GASK1A: variants seen among roughly 807,000 people sequenced by gnomAD.
GASK1A encodes Golgi-associated kinase 1A.
In GASK1A, 40 loss-of-function variants were observed where a neutral mutation model predicts 41.2. That is an observed-to-expected ratio of 0.97 (90% CI 0.75 to 1.27). The LOEUF (loss-of-function observed/expected upper bound fraction) is 1.27. GASK1A is among the 50% of genes most tolerant of loss of function. The pLI is 0.00. For missense variants in GASK1A, 678 were observed against 745.1 expected (o/e 0.91, Z 1.05); for synonymous variants, 316 against 307.1 (o/e 1.03, Z -0.30).
rs531894666 is a variant in GASK1A, at chr3:43,056,539, T to C, written c.*153T>C. On this transcript the variant is annotated 3_prime_UTR_variant, in exon 5 of 5. Coordinates refer to ENST00000430121, the MANE Select transcript of GASK1A (RefSeq NM_001129908.3). ...CCTGCCTGGGATGGTGGAGGTAGTA[T>C]GGGGTTTTCAATCTCAAAGCGTCCC... 205 of 653,246 alleles carry C rather than the reference T, an allele frequency of 3.1e-4. No homozygotes were observed. Among genetic ancestry groups the C allele is most frequent in the South Asian group, 4.2e-4 (15 of 36,056 alleles). 40.5% of individuals were successfully genotyped at this position (653,246 alleles called of 1,614,324 possible).
chr3:42,994,788 G>A (rs912917162), intron 1 of GASK1A, among the ~76,000 whole-genome samples: 3 of 151,874 alleles, frequency 2.0e-5, no homozygotes, highest in African/African-American at 2.4e-5. Context: ...CATTTCCCCC[G>A]ACAGCATCCA....
At chr3:43,015,553 G>A (rs966537225) in intron 1 of GASK1A, among the ~76,000 whole-genome samples, 34 of 149,702 alleles carry the variant, frequency 2.3e-4, no homozygotes, top group Non-Finnish European at 5.0e-4. Context: ...AAGGGGCTGT[G>A]TGAGGCCACA....
At chr3:43,053,252 G>T (rs1211000721) in intron 2 of GASK1A, among the ~76,000 whole-genome samples, 5 of 152,258 alleles carry the variant, frequency 3.3e-5, no homozygotes, top group African/African-American at 4.8e-5. Context: ...GAGCTAAAGA[G>T]CAACAGTGTA....
In GASK1A at chr3:43,033,297, C is replaced by T; in HGVS notation, c.1034C>T (p.Pro345Leu). The stretch of plus-strand genomic sequence containing the variant: ...GTGCTGGGGCTGCGCCGGAGCCTAC[C>T]TGCTGTGGCCCGCCGCTTCCATAGC... ...DRVLGLRRSL[P>L]AVARRFHSPL... is the part of the protein sequence containing the mutation. Residue 345 changes from proline (P) to leucine (L), a missense_variant, in exon 2 of 5, where the codon CCT (proline) becomes CTT (leucine). Transcript: ENST00000430121. 1.9e-6 allele frequency: 3 copies of T among 1,551,392 alleles called. No homozygotes were observed. The highest frequency in any genetic ancestry group is 2.6e-6 in the Non-Finnish European group (3 of 1,146,926).
At position 43,040,712 on chromosome 3, in the gene GASK1A, TTTTTA is replaced by T. The variant is rs552280670; in HGVS notation, c.1290+7177_1290+7181del. Among the ~76,000 whole-genome samples the T allele has an allele frequency of 6.0e-4, 91 of 152,016 alleles. 2 individuals are homozygous for T. In the South Asian group the frequency reaches 0.018, roughly 29 times the overall value. ...CTTGTGGCTGTTGGAAATGGGATCT[TTTTTA>T]TTTTATTTTATTTTATTATTTTTTA... On this transcript the variant is annotated intron_variant, in intron 2 of 4. Coordinates refer to ENST00000430121, the MANE Select transcript of GASK1A (RefSeq NM_001129908.3).
intron 1 of GASK1A, among the ~76,000 whole-genome samples, chr3:42,994,503 G>A (rs2089359139): frequency 2.0e-5 from 3 of 152,148 alleles, no homozygotes; most frequent in South Asian, 4.2e-4. Context: ...CTTCTAAGCA[G>A]CATCTCCATG....
At chr3:42,980,938 A>G (rs1032387488) in intron 1 of GASK1A, among the ~76,000 whole-genome samples, 11 of 152,034 alleles carry the variant, frequency 7.2e-5, no homozygotes, top group Non-Finnish European at 1.5e-4. Flanking sequence ...ACAGCCATCC[A>G]CTCCGAGGGG....
intron 1 of GASK1A, among the ~76,000 whole-genome samples, chr3:42,985,586 T>TGTGTGTGTGTGTGG (rs1237908326): frequency 2.1e-5 from 3 of 144,354 alleles, no homozygotes; most frequent in South Asian, 2.2e-4. Context: ...TGTGTGTGTG[T>TGTGTGTGTGTGTGG]GGGCGGAGGC....
chr3:42,980,522 G>A lies in GASK1A; in HGVS notation c.3+877G>A, dbSNP rs530028293. The stretch of plus-strand genomic sequence containing the variant: ...CCCTTTCCTTCCAAGCTCACAGAAG[G>A]CAGATCGGAACCCACTGGAGATGCT... On this transcript the variant is annotated intron_variant, in intron 1 of 4. Transcript: ENST00000430121. Among the ~76,000 whole-genome samples the A allele has an allele frequency of 1.8e-4, 27 of 152,294 alleles. No homozygotes were observed. The South Asian group carries it at 1.9e-3, about 11-fold the overall frequency.
intron 1 of GASK1A, among the ~76,000 whole-genome samples, chr3:43,018,993 T>C (rs2089508112): frequency 6.6e-6 from 1 of 152,226 alleles, no homozygotes; most frequent in Non-Finnish European, 1.5e-5. Context: ...TGGGCCTCTC[T>C]GATTCTTTAT....
At chr3:43,053,928 G>C (rs1272926412) in intron 3 of GASK1A, 10 of 480,816 alleles carry the variant, frequency 2.1e-5, no homozygotes, top group South Asian at 1.2e-4. Flanking sequence ...GAACAACTAG[G>C]GCTCCTGGAA....
chr3:43,014,840 T>A (rs1168556323), intron 1 of GASK1A, among the ~76,000 whole-genome samples: 1 of 151,260 alleles, frequency 6.6e-6, no homozygotes, highest in African/African-American at 2.4e-5. Flanking sequence ...CAATGGGAAG[T>A]CATAGGAAGG....
intron 1 of GASK1A, among the ~76,000 whole-genome samples, chr3:43,030,386 A>T (rs758417221): frequency 1.3e-5 from 2 of 152,238 alleles, no homozygotes; most frequent in Non-Finnish European, 2.9e-5. Flanking sequence ...ATGTAGCAGG[A>T]GTACCCACGA....
rs542121746 is a variant in GASK1A at position 42,995,760 on chromosome 3, A to G, written c.3+16115A>G. Among the ~76,000 whole-genome samples, 13 of 152,328 alleles carry G rather than the reference A, an allele frequency of 8.5e-5. No individual in the cohort carries two copies. The South Asian group carries it at 2.7e-3, about 32-fold the overall frequency. On this transcript the variant is annotated intron_variant, in intron 1 of 4. Transcript: ENST00000430121. ...CCCTCCCCTTCTTCTCTGAGGTTGC[A>G]TCTTGGCCTCTGAGCAGCCAGGGAG...
At chr3:42,980,489 C>G (rs898807987) in intron 1 of GASK1A, among the ~76,000 whole-genome samples, 8 of 152,190 alleles carry the variant, frequency 5.3e-5, no homozygotes, top group African/African-American at 1.9e-4. Context: ...CGTGCCTGCT[C>G]GCCTCTTCCC....
chr3:43,049,866 G>A (rs1349191559), intron 2 of GASK1A, among the ~76,000 whole-genome samples: 1 of 152,002 alleles, frequency 6.6e-6, no homozygotes, highest in Non-Finnish European at 1.5e-5. Context: ...ATCTAGGTCA[G>A]ATTACCAGCA....
chr3:42,997,895 C>T (rs2089385299), intron 1 of GASK1A, among the ~76,000 whole-genome samples: 1 of 152,132 alleles, frequency 6.6e-6, no homozygotes, highest in African/African-American at 2.4e-5. Context: ...AGGGCAGGTT[C>T]CTGCTGGGGA....
chr3:42,989,370 T>C lies in GASK1A; in HGVS notation c.3+9725T>C, dbSNP rs201783549. Among the ~76,000 whole-genome samples, 3 of 152,288 alleles carry C rather than the reference T, an allele frequency of 2.0e-5. No individual in the cohort carries two copies. The East Asian group carries it at 5.8e-4, about 29-fold the overall frequency. On this transcript the variant is annotated intron_variant, in intron 1 of 4. Coordinates refer to ENST00000430121, the MANE Select transcript of GASK1A (RefSeq NM_001129908.3). Reference sequence around the variant, plus strand: ...CCATTCTGTCTGTCTGGACTTCCCTTTTAGGGTTCAGAATGCCGTTGATCT... The same window carrying C: ...CCATTCTGTCTGTCTGGACTTCCCTCTTAGGGTTCAGAATGCCGTTGATCT...
chr3:43,000,233 C>T (rs1291678139), intron 1 of GASK1A, among the ~76,000 whole-genome samples: 1 of 91,824 alleles, frequency 1.1e-5, no homozygotes, highest in Non-Finnish European at 2.7e-5. Context: ...CTCCTGGGGC[C>T]GAGTGTCCAA....
Sources: allele counts gnomAD v4.1 joint callset (sites outside exome capture counted in the v4.1 genomes callset), GRCh38; gene constraint gnomAD v4.1.1; transcripts MANE v1.5; gene names NCBI Gene and HGNC (gene_info 2026-07-23, HGNC 2026-07-21).